DLGAP2: variants seen among roughly 807,000 people sequenced by gnomAD.
DLGAP2 encodes the protein disks large-associated protein 2.
In DLGAP2, 26 loss-of-function variants were observed where a neutral mutation model predicts 100.3. The ratio of observed to expected loss-of-function variants is 0.26; its 90% CI spans 0.19 to 0.36. The LOEUF (loss-of-function observed/expected upper bound fraction) is 0.36, where lower values mean the gene tolerates loss of function less well. Among genes scored for constraint, DLGAP2 ranks in the 10% least tolerant of loss-of-function variants. The pLI is 1.00. For synonymous variants in DLGAP2, 886 were observed against 630.1 expected (o/e 1.41, Z -6.08); for missense variants, 1,858 against 1,453.2 (o/e 1.28, Z -4.53).
rs1319527826 is a variant in DLGAP2 at position 1,664,237 on chromosome 8, C to T, written c.1811-4092C>T. Among the ~76,000 whole-genome samples, 5 of 152,084 alleles carry T rather than the reference C, an allele frequency of 3.3e-5. No homozygotes were observed. In the South Asian group the frequency reaches 8.3e-4, roughly 25 times the overall value. The stretch of plus-strand genomic sequence containing the variant: ...GGCCCTTCCTGTGGTGGCATCGGTG[C>T]GTCTACAACACAGGCCACGTCTACT... On this transcript the variant is annotated intron_variant, in intron 8 of 14. Coordinates refer to ENST00000637795, the MANE Select transcript of DLGAP2 (RefSeq NM_001346810.2).
intron 2 of DLGAP2, among the ~76,000 whole-genome samples, chr8:1,209,315 T>A (rs1798058108): frequency 1.3e-5 from 2 of 152,194 alleles, no homozygotes; most frequent in Admixed American, 6.5e-5. Flanking sequence ...TGTAGAGCAA[T>A]GGAACAGAAT....
intron 2 of DLGAP2, among the ~76,000 whole-genome samples, chr8:1,113,537 G>A (rs1293365602): frequency 6.6e-6 from 1 of 152,084 alleles, no homozygotes; most frequent in African/African-American, 2.4e-5. Flanking sequence ...AGTGATTTTT[G>A]TACATTGATT....
intron 3 of DLGAP2, among the ~76,000 whole-genome samples, chr8:1,344,101 G>A (rs576933716): frequency 1.1e-4 from 16 of 149,078 alleles, no homozygotes; most frequent in South Asian, 2.1e-4. Context: ...GGGCCCTGTC[G>A]TGGGTCCATG....
chr8:1,027,866 C>T (rs867325306), intron 2 of DLGAP2, among the ~76,000 whole-genome samples: 12 of 119,534 alleles, frequency 1.0e-4, no homozygotes, highest in Non-Finnish European at 1.9e-4. Context: ...GGGTGTCAGG[C>T]GCCCGTTATT....
At chr8:1,167,734 C>T (rs1018871372) in intron 2 of DLGAP2, among the ~76,000 whole-genome samples, 4 of 152,180 alleles carry the variant, frequency 2.6e-5, no homozygotes, top group Admixed American at 6.5e-5. Flanking sequence ...TGGGCATCAG[C>T]ATCCATTCAG....
intron 2 of DLGAP2, among the ~76,000 whole-genome samples, chr8:1,165,940 T>C (rs2116664030): frequency 1.3e-5 from 2 of 152,340 alleles, no homozygotes; most frequent in South Asian, 4.1e-4. Context: ...GTTTTAACCA[T>C]TATCCAGTTT....
chr8:1,461,291 C>T (rs75785525), intron 3 of DLGAP2, among the ~76,000 whole-genome samples: 17 of 62,672 alleles, frequency 2.7e-4, no homozygotes, highest in East Asian at 1.4e-3. Flanking sequence ...GTCGCTGATT[C>T]GGTGGCCAGG....
chr8:1,482,898 C>A (rs908235259), intron 3 of DLGAP2, among the ~76,000 whole-genome samples: 1 of 152,252 alleles, frequency 6.6e-6, no homozygotes, highest in African/African-American at 2.4e-5. Flanking sequence ...AAGACACGAG[C>A]GAGGACAGGG....
intron 8 of DLGAP2, among the ~76,000 whole-genome samples, chr8:1,633,731 C>T (rs1797706231): frequency 6.6e-6 from 1 of 152,084 alleles, no homozygotes; most frequent in Admixed American, 6.6e-5. Flanking sequence ...AGGCGCCGCA[C>T]ATAGAGGTTA....
At chr8:1,070,976 C>G (rs1450297612) in intron 2 of DLGAP2, among the ~76,000 whole-genome samples, 1 of 152,166 alleles carries the variant, frequency 6.6e-6, no homozygotes, top group Non-Finnish European at 1.5e-5. Flanking sequence ...GCTGCTTTTC[C>G]AAATCAGAAG....
intron 3 of DLGAP2, among the ~76,000 whole-genome samples, chr8:1,421,539 A>G (rs1178675846): frequency 6.6e-6 from 1 of 152,002 alleles, no homozygotes; most frequent in Non-Finnish European, 1.5e-5. Flanking sequence ...GGGTGGGGGG[A>G]ATTTAGTTAT....
intron 3 of DLGAP2, among the ~76,000 whole-genome samples, chr8:1,420,993 A>T (rs796791153): frequency 9.9e-5 from 15 of 152,244 alleles, no homozygotes; most frequent in African/African-American, 3.6e-4. Flanking sequence ...GTCCTCTCTC[A>T]TGGGCTGTAG....
chr8:813,079 C>G (rs1796400670), intron 1 of DLGAP2, among the ~76,000 whole-genome samples: 1 of 152,118 alleles, frequency 6.6e-6, no homozygotes, highest in Non-Finnish European at 1.5e-5. Flanking sequence ...TGCTTCTTAG[C>G]TATAATAGAA....
At chr8:1,294,089 C>G (rs4876023) in intron 3 of DLGAP2, among the ~76,000 whole-genome samples, 36,458 of 152,020 alleles carry the variant, frequency 0.24, 4,487 homozygotes, top group South Asian at 0.27. Context: ...GGAATTCCAA[C>G]AAAACTATGT....
At chr8:1,307,862 C>T (rs7008108) in intron 3 of DLGAP2, among the ~76,000 whole-genome samples, 1 of 151,902 alleles carries the variant, frequency 6.6e-6, no homozygotes, top group African/African-American at 2.4e-5. Flanking sequence ...GGGGACTGGG[C>T]GCTGGAGGGA....
At chr8:1,617,293 G>A (rs1243243229) in intron 6 of DLGAP2, among the ~76,000 whole-genome samples, 1 of 152,138 alleles carries the variant, frequency 6.6e-6, no homozygotes, top group Non-Finnish European at 1.5e-5. Context: ...GTTCTTTGAG[G>A]ATTTGCCACT....
chr8:1,589,685 C>T (rs886099573), intron 6 of DLGAP2, among the ~76,000 whole-genome samples: 73 of 152,308 alleles, frequency 4.8e-4, no homozygotes, highest in African/African-American at 1.7e-3. Flanking sequence ...TGGGCTCAAG[C>T]AATCCACCCG....
chr8:740,599 A>G (rs1190817681), intron 1 of DLGAP2, among the ~76,000 whole-genome samples: 1 of 152,236 alleles, frequency 6.6e-6, no homozygotes, highest in African/African-American at 2.4e-5. Flanking sequence ...TTTAAATTAC[A>G]TTGGATTCTG....
Position 1,668,697 on chromosome 8 carries a change from C to G in DLGAP2, c.2160+19C>G, listed in dbSNP as rs2235113. ...GATTCAGGTAGCTGCTCTTGGCCGCCCGTCAGGGCCTCGCTCCACTCAGTC... is the reference window on the plus strand; with the variant it reads ...GATTCAGGTAGCTGCTCTTGGCCGCGCGTCAGGGCCTCGCTCCACTCAGTC... On this transcript the variant is annotated intron_variant, in intron 9 of 14. Transcript: ENST00000637795. 0.045 allele frequency: 67,908 copies of G among 1,501,930 alleles called. 7,041 individuals carry two copies. The East Asian group carries it at 0.47, about 10-fold the overall frequency. 93.0% of individuals were successfully genotyped at this position (1,501,930 alleles called of 1,614,324 possible). A position where few individuals can be genotyped will look rare whatever the true frequency, so the allele number is the denominator to read the frequency against.
Sources: gnomAD v4.1 joint callset for allele counts (sites outside exome capture counted in the v4.1 genomes callset) on GRCh38, gnomAD v4.1.1 for gene constraint, MANE v1.5 for transcripts, NCBI Gene and HGNC (gene_info 2026-07-23, HGNC 2026-07-21) for gene names.